The following SLC24A2 variants were observed in gnomAD, a reference collection of about 807,000 sequenced individuals.
The protein encoded by SLC24A2 is solute carrier family 24 member 2.
In SLC24A2, 36 loss-of-function variants were observed where a neutral mutation model predicts 62.0. The ratio of observed to expected loss-of-function variants is 0.58; its 90% CI spans 0.44 to 0.77. The LOEUF (loss-of-function observed/expected upper bound fraction) is 0.77. SLC24A2 is among the 30% of genes least tolerant of loss of function. The pLI, the probability that SLC24A2 is intolerant of heterozygous loss-of-function variation, is 0.00. For missense variants in SLC24A2, 846 were observed against 817.9 expected (o/e 1.03, Z -0.42); for synonymous variants, 358 against 294.0 (o/e 1.22, Z -2.23).
the SLC24A2 span, among the ~76,000 whole-genome samples, chr9:20,220,377 C>G: frequency 2.6e-5 from 4 of 152,174 alleles, no homozygotes; most frequent in Non-Finnish European, 5.9e-5. Context: ...CTCCAAACAG[C>G]TCATGTTCAC....
At chr9:19,903,634 G>A in the SLC24A2 span, among the ~76,000 whole-genome samples, 2 of 152,162 alleles carry the variant, frequency 1.3e-5, no homozygotes, top group Non-Finnish European at 2.9e-5. Flanking sequence ...ATGATCCTCA[G>A]TTTTCCCTTC....
At chr9:19,662,826 C>G (rs62564191) in intron 2 of SLC24A2, among the ~76,000 whole-genome samples, 11,276 of 152,238 alleles carry the variant, frequency 0.074, 421 homozygotes, top group Middle Eastern at 0.15. Flanking sequence ...GTTATATACT[C>G]ACAATTGCTC....
rs180881551 is a variant in SLC24A2 at position 19,548,332 on chromosome 9, G to T, written c.1479+1805C>A. ...ATATGAAGCAAAGCCCAAGCCATGT[G>T]GTCACATAGACCTGGGTCTGGATCT... On this transcript the variant is annotated intron_variant, in intron 8 of 10. Coordinates refer to ENST00000341998, the MANE Select transcript of SLC24A2 (RefSeq NM_020344.4). Among the ~76,000 whole-genome samples, 313 of 152,064 alleles carry T rather than the reference G, an allele frequency of 2.1e-3. 3 individuals carry two copies. The highest frequency in any genetic ancestry group is 7.4e-3 in the African/African-American group (305 of 41,484).
chr9:19,553,687 C>T (rs992874971), intron 7 of SLC24A2, among the ~76,000 whole-genome samples: 1 of 152,146 alleles, frequency 6.6e-6, no homozygotes, highest in African/African-American at 2.4e-5. Context: ...GGCTGTGATT[C>T]CTTGGGTAGT....
chr9:19,792,721 T>C (rs1438274735), upstream of SLC24A2, among the ~76,000 whole-genome samples: 2 of 148,492 alleles, frequency 1.3e-5, no homozygotes, highest in Non-Finnish European at 3.0e-5. Flanking sequence ...AAAAAAAAGA[T>C]AGGATAGCTG....
the SLC24A2 span, among the ~76,000 whole-genome samples, chr9:20,009,130 G>T: frequency 6.6e-6 from 1 of 152,172 alleles, no homozygotes; most frequent in Non-Finnish European, 1.5e-5. Flanking sequence ...AAAGTGAGTT[G>T]GAGGTGGACA....
chr9:20,180,565 C>T, the SLC24A2 span, among the ~76,000 whole-genome samples: 2 of 152,158 alleles, frequency 1.3e-5, no homozygotes, highest in African/African-American at 2.4e-5. Flanking sequence ...TTTGGCATGT[C>T]TCCAGTTCTT....
chr9:20,136,716 A>G, the SLC24A2 span, among the ~76,000 whole-genome samples: 1 of 152,176 alleles, frequency 6.6e-6, no homozygotes, highest in Non-Finnish European at 1.5e-5. Flanking sequence ...TCTAAGGAAT[A>G]CATAACAATA....
At chr9:19,654,748 T>C (rs978877441) in intron 2 of SLC24A2, among the ~76,000 whole-genome samples, 2 of 152,196 alleles carry the variant, frequency 1.3e-5, no homozygotes, top group Admixed American at 1.3e-4. Flanking sequence ...CTTATAATCC[T>C]AGTTCCATGA....
chr9:19,899,127 G>A, the SLC24A2 span, among the ~76,000 whole-genome samples: 2 of 152,154 alleles, frequency 1.3e-5, no homozygotes, highest in South Asian at 4.1e-4. Flanking sequence ...ATGCTGTTGT[G>A]TTCTCACCCT....
the SLC24A2 span, among the ~76,000 whole-genome samples, chr9:19,980,384 T>C: frequency 2.6e-5 from 4 of 152,102 alleles, no homozygotes; most frequent in Non-Finnish European, 5.9e-5. Flanking sequence ...AGCCACATGG[T>C]AGGTTTGAAG....
Position 19,515,457 on chromosome 9 carries a change from C to T in SLC24A2, c.*696G>A, listed in dbSNP as rs1223474174. The T allele has an allele frequency of 6.6e-6, 1 of 152,190 alleles. No individual in the cohort carries two copies. Among genetic ancestry groups the T allele is most frequent in the African/African-American group, 2.4e-5 (1 of 41,398 alleles). The allele number at this position is 152,190 out of a possible 1,614,324, so 9.4% of individuals were successfully genotyped here. A position where few individuals can be genotyped will look rare whatever the true frequency, so the allele number is the denominator to read the frequency against. On this transcript the variant is annotated 3_prime_UTR_variant, in exon 11 of 11. Transcript: ENST00000341998. ...TACAGACCTTCTCCACTAAGCCCTC[C>T]TCCCTGCAAGCTATTTCCCTAAACC...
chr9:20,106,123 T>A, the SLC24A2 span, among the ~76,000 whole-genome samples: 3 of 152,054 alleles, frequency 2.0e-5, no homozygotes, highest in African/African-American at 7.2e-5. Context: ...TCCTTGACAC[T>A]TACACCCTCC....
chr9:19,552,896 A>G (rs1296666133), intron 7 of SLC24A2, among the ~76,000 whole-genome samples: 1 of 152,232 alleles, frequency 6.6e-6, no homozygotes, highest in Non-Finnish European at 1.5e-5. Flanking sequence ...ACTACTGTCC[A>G]ATGCAAACAA....
At chr9:19,693,803 T>A (rs534602842) in intron 2 of SLC24A2, among the ~76,000 whole-genome samples, 17 of 152,146 alleles carry the variant, frequency 1.1e-4, no homozygotes, top group East Asian at 3.9e-4. Context: ...ATTTATTTTT[T>A]AAAAATAACT....
chr9:20,120,412 T>C, the SLC24A2 span, among the ~76,000 whole-genome samples: 111 of 151,750 alleles, frequency 7.3e-4, no homozygotes, highest in Non-Finnish European at 1.4e-3. Context: ...GCAGCTGGAG[T>C]TGGAGCTGGA....
the SLC24A2 span, among the ~76,000 whole-genome samples, chr9:19,933,831 C>A: frequency 6.6e-6 from 1 of 152,122 alleles, no homozygotes; most frequent in East Asian, 1.9e-4. Flanking sequence ...ATGGGAATAA[C>A]CTGAAAACTT....
At chr9:20,008,249 C>T in the SLC24A2 span, among the ~76,000 whole-genome samples, 1 of 151,928 alleles carries the variant, frequency 6.6e-6, no homozygotes, top group Non-Finnish European at 1.5e-5. Context: ...CCACCCCTAT[C>T]CACTTGTGGG....
chr9:19,870,252 A>G, the SLC24A2 span, among the ~76,000 whole-genome samples: 151 of 152,234 alleles, frequency 9.9e-4, no homozygotes, highest in Middle Eastern at 0.017. Context: ...CCTATTCTAG[A>G]CATTTCATAC....
Sources: allele counts gnomAD v4.1 joint callset (sites outside exome capture counted in the v4.1 genomes callset), GRCh38; gene constraint gnomAD v4.1.1; transcripts MANE v1.5; gene names NCBI Gene and HGNC (gene_info 2026-07-23, HGNC 2026-07-21).